ERI1: variants seen among roughly 807,000 people sequenced by gnomAD.
The protein encoded by ERI1 is 3'-5' exoribonuclease 1.
ERI1 carries 39 observed loss-of-function variants against 39.7 expected under a neutral mutation model. The observed-to-expected ratio is 0.98, with a 90% CI of 0.76 to 1.28. ERI1 has a LOEUF of 1.28. Ranked by LOEUF, ERI1 falls within the 50% of genes most tolerant of loss-of-function variation. The probability of loss-of-function intolerance (pLI) is 0.00; values close to 1 mark genes in which losing one functional copy is unlikely to be tolerated. For missense variants in ERI1, 581 were observed against 416.9 expected (o/e 1.39, Z -3.43); for synonymous variants, 204 against 149.6 (o/e 1.36, Z -2.65).
intron 3 of ERI1, among the ~76,000 whole-genome samples, chr8:9,048,060 G>C (rs1277417483): frequency 6.6e-6 from 1 of 152,222 alleles, no homozygotes; most frequent in Non-Finnish European, 1.5e-5. Flanking sequence ...AGGTCCCCCA[G>C]ACTCTGCAGC....
At chr8:9,048,912 C>T (rs186128825) in intron 3 of ERI1, among the ~76,000 whole-genome samples, 300 of 152,228 alleles carry the variant, frequency 2.0e-3, no homozygotes, top group African/African-American at 7.0e-3. Flanking sequence ...TCCCAAAGTG[C>T]TGGGATTACA....
intron 6 of ERI1, among the ~76,000 whole-genome samples, chr8:9,021,680 A>C (rs537651126): frequency 2.6e-5 from 4 of 151,182 alleles, no homozygotes; most frequent in African/African-American, 7.3e-5. Flanking sequence ...TTATAGCTTT[A>C]GTATTTAAAT....
chr8:9,050,633 G>A (rs566481517), intron 3 of ERI1, among the ~76,000 whole-genome samples: 8 of 152,230 alleles, frequency 5.3e-5, no homozygotes, highest in South Asian at 2.1e-4. Flanking sequence ...TCACCAGAGT[G>A]TAGGCCAAGC....
intron 3 of ERI1, among the ~76,000 whole-genome samples, chr8:9,084,817 G>C (rs1799475582): frequency 6.6e-6 from 1 of 151,742 alleles, no homozygotes; most frequent in Admixed American, 6.6e-5. Flanking sequence ...TACAAAAGCT[G>C]ATCATTCTAA....
chr8:9,009,415 A>G (rs1004905140), intron 2 of ERI1, among the ~76,000 whole-genome samples: 5 of 152,216 alleles, frequency 3.3e-5, no homozygotes, highest in African/African-American at 1.2e-4. Flanking sequence ...AGGGTATTTC[A>G]GGCAAAAAAA....
chr8:9,026,946 G>A (rs145270891), intron 6 of ERI1, among the ~76,000 whole-genome samples: 26 of 152,220 alleles, frequency 1.7e-4, no homozygotes, highest in African/African-American at 5.3e-4. Context: ...TATGAACATG[G>A]ATGTACAGAT....
intron 3 of ERI1, among the ~76,000 whole-genome samples, chr8:9,075,596 T>C (rs2117438178): frequency 6.6e-6 from 1 of 152,250 alleles, no homozygotes; most frequent in South Asian, 2.1e-4. Context: ...CATTTTGTTG[T>C]TGTTGTTGCT....
chr8:9,067,124 T>C (rs982760879), intron 3 of ERI1, among the ~76,000 whole-genome samples: 1 of 152,158 alleles, frequency 6.6e-6, no homozygotes, highest in Non-Finnish European at 1.5e-5. Context: ...GCAAGTGATA[T>C]GACATAAAAT....
At chr8:9,061,643 G>T (rs1216210233) in intron 3 of ERI1, among the ~76,000 whole-genome samples, 1 of 152,224 alleles carries the variant, frequency 6.6e-6, no homozygotes, top group East Asian at 1.9e-4. Context: ...CCATGCCTGG[G>T]AAGGAAAGGA....
intron 3 of ERI1, among the ~76,000 whole-genome samples, chr8:9,052,290 C>T (rs1798382007): frequency 6.6e-6 from 1 of 152,126 alleles, no homozygotes. Context: ...TTCCATTCTT[C>T]CGTGTCCATG....
downstream of ERI1, among the ~76,000 whole-genome samples, chr8:9,033,538 G>T (rs1302593822): frequency 6.7e-6 from 1 of 149,622 alleles, no homozygotes; most frequent in Non-Finnish European, 1.5e-5. Context: ...CAAGAAATGC[G>T]ACTGTGATGA....
intron 3 of ERI1, among the ~76,000 whole-genome samples, chr8:9,070,023 G>A (rs1398165802): frequency 6.6e-6 from 1 of 152,124 alleles, no homozygotes; most frequent in Non-Finnish European, 1.5e-5. Context: ...CGGATCACCT[G>A]AGGTCAGGAG....
At chr8:9,090,009 G>T (rs1799655139) in intron 3 of ERI1, among the ~76,000 whole-genome samples, 1 of 152,150 alleles carries the variant, frequency 6.6e-6, no homozygotes. Flanking sequence ...CGGCTGAGAT[G>T]ATATCACATT....
chr8:9,015,738 A>AAAAAAAAAAAAAAAG (rs1563318556), intron 3 of ERI1, among the ~76,000 whole-genome samples: 1 of 151,130 alleles, frequency 6.6e-6, no homozygotes, highest in African/African-American at 2.4e-5. Flanking sequence ...AAAAAAAAAA[A>AAAAAAAAAAAAAAAG]AAAGAGACCA....
chr8:9,095,845 G>A (rs576017369), intron 3 of ERI1, among the ~76,000 whole-genome samples: 12 of 152,086 alleles, frequency 7.9e-5, no homozygotes, highest in South Asian at 4.1e-4. Context: ...TTTGCTCTGT[G>A]TTTAAGGATC....
intron 2 of ERI1, among the ~76,000 whole-genome samples, chr8:9,011,029 C>G (rs1251606103): frequency 6.6e-6 from 1 of 152,100 alleles, no homozygotes; most frequent in Non-Finnish European, 1.5e-5. Flanking sequence ...ATGCTAGGCT[C>G]ATAATGCTTT....
Position 9,009,001 on chromosome 8 carries a change from T to A in ERI1, c.287+853T>A, listed in dbSNP as rs1346508822. 1.8e-5 allele frequency: 8 copies of A among 456,280 alleles called. No homozygotes were observed. The Admixed American group carries it at 1.9e-4, about 11-fold the overall frequency. 28.3% of individuals were successfully genotyped at this position (456,280 alleles called of 1,614,324 possible). A position where few individuals can be genotyped will look rare whatever the true frequency, so the allele number is the denominator to read the frequency against. On this transcript the variant is annotated intron_variant, in intron 2 of 6. Coordinates refer to ENST00000250263, the MANE Select transcript of ERI1 (RefSeq NM_153332.4). The stretch of plus-strand genomic sequence containing the variant: ...CATAATGTATGAAGAAATTTTTGAC[T>A]CCTATTTCCCCGATTCTTTCTGTTA...
At chr8:9,083,541 A>C (rs973946184) in intron 3 of ERI1, among the ~76,000 whole-genome samples, 1 of 152,198 alleles carries the variant, frequency 6.6e-6, no homozygotes, top group African/African-American at 2.4e-5. Context: ...CAGCCTTAGC[A>C]ATCATCAACT....
At chr8:9,040,732 G>GT (rs964835899) in intron 3 of ERI1, among the ~76,000 whole-genome samples, 1 of 149,676 alleles carries the variant, frequency 6.7e-6, no homozygotes, top group Non-Finnish European at 1.5e-5. Context: ...GTGTGTGTGG[G>GT]GGGGGGGTGT....
Sources: allele counts gnomAD v4.1 joint callset (sites outside exome capture counted in the v4.1 genomes callset), GRCh38; gene constraint gnomAD v4.1.1; transcripts MANE v1.5; gene names NCBI Gene and HGNC (gene_info 2026-07-23, HGNC 2026-07-21).